Variants in CBLB observed in about 807,000 individuals in gnomAD.
CBLB encodes E3 ubiquitin-protein ligase CBL-B.
In CBLB, 31 loss-of-function variants were observed where a neutral mutation model predicts 104.9. The observed-to-expected ratio is 0.30, with a 90% CI of 0.22 to 0.40. The LOEUF (loss-of-function observed/expected upper bound fraction) is 0.40. Among genes scored for constraint, CBLB ranks in the 10% least tolerant of loss-of-function variants. The pLI, the probability that CBLB is intolerant of heterozygous loss-of-function variation, is 1.00. For missense variants in CBLB, 1,062 were observed against 1,214.6 expected (o/e 0.87, Z 1.87); for synonymous variants, 440 against 422.6 (o/e 1.04, Z -0.51).
At position 105,710,052 on chromosome 3, in the gene CBLB, T is replaced by C. The variant is rs116751714; in HGVS notation, c.1408-5879A>G. 2.0e-3 allele frequency among the ~76,000 whole-genome samples: 303 copies of C among 152,090 alleles called. 2 individuals are homozygous for C. Among genetic ancestry groups the C allele is most frequent in the African/African-American group, 7.1e-3 (294 of 41,568 alleles). On this transcript the variant is annotated intron_variant, in intron 10 of 18. Coordinates refer to ENST00000394030, the MANE Select transcript of CBLB (RefSeq NM_170662.5). ...TTGGGTCACTAGCTTTTTACATTTT[T>C]TTGGTCCCCATATCCACTAATTTCC...
At chr3:105,693,348 TG>T in intron 13 of CBLB, 145 bp downstream of exon 13, 1 of 647,644 alleles carries the variant, frequency 1.5e-6, no homozygotes, top group African/African-American at 1.8e-5. Context: ...TCTTAATTTA[TG>T]GTAATTTAGT....
intron 18 of CBLB, among the ~76,000 whole-genome samples, chr3:105,665,442 T>TATAC (rs1182735970): frequency 4.3e-3 from 287 of 66,858 alleles, no homozygotes; most frequent in African/African-American, 8.6e-3. Flanking sequence ...TATATATATA[T>TATAC]ACACACACAC....
intron 4 of CBLB, among the ~76,000 whole-genome samples, chr3:105,774,256 C>G (rs979539677): frequency 1.3e-5 from 2 of 151,740 alleles, no homozygotes; most frequent in Admixed American, 6.6e-5. Context: ...TGGGAAAATA[C>G]AAACAGTATT....
chr3:105,719,105 A>G (rs561437637), intron 10 of CBLB, among the ~76,000 whole-genome samples: 79 of 152,324 alleles, frequency 5.2e-4, no homozygotes, highest in African/African-American at 1.5e-3. Flanking sequence ...ACAAAAGTAA[A>G]TCTTATGTGA....
chr3:105,844,960 C>T (rs1687397914), intron 3 of CBLB, among the ~76,000 whole-genome samples: 1 of 152,134 alleles, frequency 6.6e-6, no homozygotes, highest in South Asian at 2.1e-4. Flanking sequence ...AGACATCATT[C>T]ATCAACTTTC....
At chr3:105,842,364 T>C (rs1286057260) in intron 3 of CBLB, among the ~76,000 whole-genome samples, 1 of 152,208 alleles carries the variant, frequency 6.6e-6, no homozygotes, top group Non-Finnish European at 1.5e-5. Flanking sequence ...CAATATATTT[T>C]TAAAGAAATA....
At chr3:105,858,590 G>A (rs2091827694) in intron 2 of CBLB, among the ~76,000 whole-genome samples, 1 of 152,182 alleles carries the variant, frequency 6.6e-6, no homozygotes, top group South Asian at 2.1e-4. Flanking sequence ...ACCGATTGGT[G>A]CATAAAAGAA....
chr3:105,848,742 T>C (rs2090588576), intron 3 of CBLB, among the ~76,000 whole-genome samples: 1 of 152,144 alleles, frequency 6.6e-6, no homozygotes, highest in Non-Finnish European at 1.5e-5. Flanking sequence ...TTACTGTTTC[T>C]ACTATTACTG....
At chr3:105,688,763 CA>C (rs2067311731) in intron 13 of CBLB, among the ~76,000 whole-genome samples, 1 of 151,834 alleles carries the variant, frequency 6.6e-6, no homozygotes, top group South Asian at 2.1e-4. Flanking sequence ...ATCATTTCCT[CA>C]AAACACTAAA....
chr3:105,663,455 T>A (rs1056218501), intron 18 of CBLB, among the ~76,000 whole-genome samples: 5 of 152,130 alleles, frequency 3.3e-5, no homozygotes, highest in African/African-American at 9.7e-5. Flanking sequence ...AGGCTTCAGA[T>A]GTGCCTAATC....
chr3:105,734,548 T>C (rs2074692668), intron 8 of CBLB, among the ~76,000 whole-genome samples: 1 of 152,164 alleles, frequency 6.6e-6, no homozygotes, highest in Non-Finnish European at 1.5e-5. Flanking sequence ...AAAATGATAC[T>C]TGGCTAAACA....
At chr3:105,846,914 T>G (rs1384855768) in intron 3 of CBLB, among the ~76,000 whole-genome samples, 1 of 152,080 alleles carries the variant, frequency 6.6e-6, no homozygotes, top group African/African-American at 2.4e-5. Context: ...GCAAAACTAT[T>G]TCAATGACCA....
chr3:105,742,467 C>CA (rs998931662), intron 6 of CBLB, among the ~76,000 whole-genome samples: 4 of 151,750 alleles, frequency 2.6e-5, no homozygotes, highest in African/African-American at 9.7e-5. Flanking sequence ...AAGAACTTTT[C>CA]AAAAAAGTCT....
intron 3 of CBLB, among the ~76,000 whole-genome samples, chr3:105,829,666 CAA>C (rs71627689): frequency 0.01 from 488 of 46,846 alleles, no homozygotes; most frequent in Non-Finnish European, 0.013. Context: ...AAGACCGTCC[CAA>C]AAAAAAAAAA....
chr3:105,844,414 A>G (rs902766811), intron 3 of CBLB, among the ~76,000 whole-genome samples: 1 of 152,246 alleles, frequency 6.6e-6, no homozygotes, highest in South Asian at 2.1e-4. Context: ...TCAAAGTAAT[A>G]CATTTCAATA....
At chr3:105,732,989 C>T (rs1372011575) in intron 9 of CBLB, among the ~76,000 whole-genome samples, 2 of 152,118 alleles carry the variant, frequency 1.3e-5, no homozygotes, top group Non-Finnish European at 2.9e-5. Context: ...CAAAATATTC[C>T]ATGACTCCTC....
chr3:105,817,613 G>C (rs1336627637), intron 3 of CBLB, among the ~76,000 whole-genome samples: 1 of 152,180 alleles, frequency 6.6e-6, no homozygotes, highest in Non-Finnish European at 1.5e-5. Flanking sequence ...AAGCCACTGA[G>C]TTGAACAATG....
Position 105,825,314 on chromosome 3 carries a change from A to C in CBLB, c.419+28100T>G, listed in dbSNP as rs1243998425. Among the ~76,000 whole-genome samples, 3 of 152,240 alleles carry C rather than the reference A, an allele frequency of 2.0e-5. No homozygotes were observed. In the East Asian group the frequency reaches 5.8e-4, roughly 29 times the overall value. ...TCTCCTTAAACCTATCTTCCACTCC[A>C]AATTCCCATCTCCTTGTTTCCTCCG... On this transcript the variant is annotated intron_variant, in intron 3 of 18. Transcript: ENST00000394030.
At chr3:105,800,294 C>T (rs1048633321) in intron 3 of CBLB, among the ~76,000 whole-genome samples, 6 of 152,216 alleles carry the variant, frequency 3.9e-5, no homozygotes, top group African/African-American at 1.2e-4. Context: ...GAGTTCAGTT[C>T]CCCCAGATGA....
Sources: allele counts gnomAD v4.1 joint callset (sites outside exome capture counted in the v4.1 genomes callset), GRCh38; gene constraint gnomAD v4.1.1; transcripts MANE v1.5; gene names NCBI Gene and HGNC (gene_info 2026-07-23, HGNC 2026-07-21).